DNAJA4: variants seen among roughly 807,000 people sequenced by gnomAD.
DNAJA4 encodes the protein DnaJ heat shock protein family (Hsp40) member A4.
A neutral mutation model predicts 39.7 loss-of-function variants in DNAJA4; 32 were observed. That is an observed-to-expected ratio of 0.81 (90% CI 0.61 to 1.08). The LOEUF (loss-of-function observed/expected upper bound fraction) is 1.08, where lower values mean the gene tolerates loss of function less well. Among genes scored for constraint, DNAJA4 ranks in the 50% least tolerant of loss-of-function variants. The pLI is 0.00. For missense variants in DNAJA4, 439 were observed against 505.1 expected (o/e 0.87, Z 1.25); for synonymous variants, 184 against 182.4 (o/e 1.01, Z -0.07).
chr15:78,265,925 A>G (rs1257614365), intron 1 of DNAJA4: 2 of 589,844 alleles, frequency 3.4e-6, no homozygotes, highest in Admixed American at 3.1e-5. Flanking sequence ...TAGTTGTTCC[A>G]AGCTGGAGAA....
intron 5 of DNAJA4, among the ~76,000 whole-genome samples, chr15:78,277,603 G>T (rs964128095): frequency 1.3e-5 from 2 of 152,150 alleles, no homozygotes; most frequent in Non-Finnish European, 2.9e-5. Context: ...CCCTTACGTG[G>T]TCACAGCCCA....
intron 2 of DNAJA4, among the ~76,000 whole-genome samples, chr15:78,272,636 G>A (rs543723097): frequency 4.6e-5 from 7 of 152,314 alleles, no homozygotes; most frequent in East Asian, 3.9e-4. Context: ...TTTGGCCACC[G>A]GTTACAGAAG....
chr15:78,274,165 G>T lies in DNAJA4; in HGVS notation c.419-32G>T, dbSNP rs1216435686. ...AGGGACACTGGTAAGGGAAGAGCAT[G>T]GCCCTCATTCCTGCCTCCCCTGACC... On this transcript the variant is annotated intron_variant, in intron 3 of 6. Coordinates refer to ENST00000394852, the MANE Select transcript of DNAJA4 (RefSeq NM_001130182.2). 2.5e-6 allele frequency: 4 copies of T among 1,597,786 alleles called. No homozygotes were observed. In the South Asian group the frequency reaches 4.5e-5, roughly 18 times the overall value.
chr15:78,267,455 C>G (rs1327676265), intron 1 of DNAJA4, among the ~76,000 whole-genome samples: 1 of 146,588 alleles, frequency 6.8e-6, no homozygotes, highest in African/African-American at 2.6e-5. Flanking sequence ...GTCTGTACTT[C>G]TCTGCGGGTG....
At position 78,265,635 on chromosome 15, in the gene DNAJA4, A is replaced by G. The variant is rs183469941; in HGVS notation, c.132+740A>G. On this transcript the variant is annotated intron_variant, in intron 1 of 6. Coordinates refer to ENST00000394852, the MANE Select transcript of DNAJA4 (RefSeq NM_001130182.2). Reference sequence around the variant, plus strand: ...AAAAGCTTTTCCATCCTGTTTACAGAAAGTTTGCTTTTTATCTCTAAAGAG... The same window carrying G: ...AAAAGCTTTTCCATCCTGTTTACAGGAAGTTTGCTTTTTATCTCTAAAGAG... The G allele has an allele frequency of 1.8e-4, 127 of 702,372 alleles. 1 individual carries two copies. The East Asian group carries it at 2.9e-3, about 16-fold the overall frequency. The allele number at this position is 702,372 out of a possible 1,614,324, so 43.5% of individuals were successfully genotyped here.
In DNAJA4 at chr15:78,280,382, G is replaced by A. The variant is rs748317082; in HGVS notation, c.1116G>A (p.Gln372=). 5.4e-5 allele frequency: 87 copies of A among 1,614,078 alleles called. 2 individuals are homozygous for A. Among genetic ancestry groups the A allele is most frequent in the South Asian group, 2.9e-4 (26 of 91,084 alleles). The change falls in exon 7 of 7, where the codon CAG becomes CAA. Residue 372 remains glutamine (Q), a synonymous_variant. Coordinates refer to ENST00000394852, the MANE Select transcript of DNAJA4 (RefSeq NM_001130182.2). The part of the protein sequence containing the change: ...VELKEFCPNE[Q]NWRQHREAYE... ...TGAAGGAGTTTTGTCCCAATGAGCA[G>A]AACTGGCGTCAGCACAGGGAGGCCT... is the stretch of plus-strand genomic sequence containing the variant.
At position 78,270,637 on chromosome 15, in the gene DNAJA4, G is replaced by A. The variant is rs750675378; in HGVS notation, c.273G>A (p.Met91Ile). The A allele has an allele frequency of 2.5e-6, 4 of 1,614,186 alleles. No homozygotes were observed. The highest frequency in any genetic ancestry group is 8.5e-7 in the Non-Finnish European group (1 of 1,180,032). ...SFSSPMDIFD[M>I]FFGGGGRMAR... Reference sequence around the variant, plus strand: ...CTTCACCCATGGACATCTTTGACATGTTCTTTGGTGGTGGTGGACGGATGG... The same window carrying A: ...CTTCACCCATGGACATCTTTGACATATTCTTTGGTGGTGGTGGACGGATGG... The change falls in exon 2 of 7, where the codon ATG becomes ATA. Residue 91 changes from methionine to isoleucine, a missense_variant. By Grantham distance (10) the Met-to-Ile change is conservative. Coordinates refer to ENST00000394852, the MANE Select transcript of DNAJA4 (RefSeq NM_001130182.2).
Position 78,280,419 on chromosome 15 carries a change from G to A in DNAJA4, c.1153G>A (p.Glu385Lys), listed in dbSNP as rs989408651. 4 of 1,613,514 alleles carry A rather than the reference G, an allele frequency of 2.5e-6. No homozygotes were observed. The highest frequency in any genetic ancestry group is 1.7e-4 in the Middle Eastern group (1 of 6,038). Residue 385 changes from glutamate to lysine, a missense_variant, in exon 7 of 7, where the codon GAA becomes AAA. Physicochemically the swap from Glu to Lys is moderately conservative, Grantham distance 56. Coordinates refer to ENST00000394852, the MANE Select transcript of DNAJA4 (RefSeq NM_001130182.2). ...RQHREAYEED[E>K]DGPQAGVQCQ... ...GCACAGGGAGGCCTACGAGGAGGACGAAGACGGGCCCCAGGCTGGAGTGCA... is the reference window on the plus strand; with the variant it reads ...GCACAGGGAGGCCTACGAGGAGGACAAAGACGGGCCCCAGGCTGGAGTGCA...
In DNAJA4 at chr15:78,280,466, T is replaced by C; in HGVS notation, c.*6T>C. On this transcript the variant is annotated 3_prime_UTR_variant, in exon 7 of 7. Coordinates refer to ENST00000394852, the MANE Select transcript of DNAJA4 (RefSeq NM_001130182.2). ...TGCAGTGCCAGACGGCATGACGTGGTGCGGGGCAGCGTGGCCCCACCGGAC... is the reference window on the plus strand; with the variant it reads ...TGCAGTGCCAGACGGCATGACGTGGCGCGGGGCAGCGTGGCCCCACCGGAC... 6.2e-7 allele frequency: 1 copy of C among 1,602,514 alleles called. No homozygotes were observed. The highest frequency in any genetic ancestry group is 1.1e-5 in the South Asian group (1 of 90,090).
At chr15:78,273,234 TG>T (rs1215047208) in intron 3 of DNAJA4, 35 bp downstream of exon 3, 1 of 1,181,844 alleles carries the variant, frequency 8.5e-7, no homozygotes, top group Admixed American at 1.8e-5. Context: ...CGCACAGTTC[TG>T]ATCCCTTAGA....
At chr15:78,264,434 GGCCGCGAACCC>G (rs948540184), upstream of DNAJA4, 1 of 1,336,604 alleles carries the variant, frequency 7.5e-7, no homozygotes, top group African/African-American at 1.5e-5. Context: ...CGGGGGTCTG[GGCCGCGAACCC>G]GCCGCGGGGC....
At chr15:78,278,012 TCTCTTCTCC>T (rs1231802977) in intron 5 of DNAJA4, 9 of 455,450 alleles carry the variant, frequency 2.0e-5, no homozygotes, top group African/African-American at 1.8e-4. Context: ...TTCTCCATTT[TCTCTTCTCC>T]CTCTTCTTCC....
In DNAJA4 at chr15:78,281,630, T is replaced by TA. The variant is rs1413447559; in HGVS notation, c.*1171dup. 6.6e-6 allele frequency: 1 copy of TA among 152,216 alleles called. No homozygotes were observed. Among genetic ancestry groups the TA allele is most frequent in the Non-Finnish European group, 1.5e-5 (1 of 68,028 alleles). The allele number at this position is 152,216 out of a possible 1,614,324, so 9.4% of individuals were successfully genotyped here. On this transcript the variant is annotated 3_prime_UTR_variant, in exon 7 of 7. Coordinates refer to ENST00000394852, the MANE Select transcript of DNAJA4 (RefSeq NM_001130182.2). ...TGACAGGTAGACTACAATTCGAACTTAGGGTTACCTCAGTCTTTAGCCATT... is the reference window on the plus strand; with the variant it reads ...TGACAGGTAGACTACAATTCGAACTTAAGGGTTACCTCAGTCTTTAGCCATT...
chr15:78,274,862 A>G (rs1203945117), intron 4 of DNAJA4: 1 of 210,560 alleles, frequency 4.7e-6, no homozygotes, highest in African/African-American at 2.3e-5. Context: ...CATGTGCTGC[A>G]TCAGATTCCC....
intron 6 of DNAJA4, 21 bp downstream of exon 6, chr15:78,280,166 T>C: frequency 6.2e-7 from 1 of 1,612,338 alleles, no homozygotes; most frequent in Non-Finnish European, 8.5e-7. Context: ...TATGTTTCAT[T>C]GTCATGGACA....
intron 4 of DNAJA4, 154 bp downstream of exon 4, chr15:78,274,578 A>C: frequency 1.4e-6 from 1 of 698,114 alleles, no homozygotes; most frequent in South Asian, 1.7e-5. Flanking sequence ...TCTTCTCTTC[A>C]CCCTTCCTGG....
intron 2 of DNAJA4, among the ~76,000 whole-genome samples, chr15:78,272,336 AAAAAC>A (rs1022775878): frequency 3.9e-5 from 6 of 152,222 alleles, no homozygotes; most frequent in Non-Finnish European, 8.8e-5. Flanking sequence ...ACTCTGTCTC[AAAAAC>A]AAAACAAAAC....
intron 2 of DNAJA4, 139 bp from the exon 3 acceptor site, chr15:78,272,956 C>G: frequency 1.5e-6 from 1 of 651,518 alleles, no homozygotes; most frequent in South Asian, 2.0e-5. Flanking sequence ...AGCATTGCTT[C>G]CTGCAGGGAA....
intron 3 of DNAJA4, among the ~76,000 whole-genome samples, chr15:78,273,794 A>G (rs150327422): frequency 6.6e-6 from 1 of 152,370 alleles, no homozygotes; most frequent in East Asian, 1.9e-4. Flanking sequence ...TGGTGACCCC[A>G]GCCTCACATT....
Sources: allele counts gnomAD v4.1 joint callset (sites outside exome capture counted in the v4.1 genomes callset), GRCh38; gene constraint gnomAD v4.1.1; transcripts MANE v1.5; gene names NCBI Gene and HGNC (gene_info 2026-07-23, HGNC 2026-07-21).